Variants in CDON observed in about 807,000 individuals in gnomAD.
CDON encodes cell adhesion molecule-related/down-regulated by oncogenes.
A neutral mutation model predicts 120.9 loss-of-function variants in CDON; 73 were observed. The ratio of observed to expected loss-of-function variants is 0.60; its 90% CI spans 0.50 to 0.73. The LOEUF is 0.73. Among genes scored for constraint, CDON ranks in the 30% least tolerant of loss-of-function variants. The pLI is 0.00. For synonymous variants in CDON, 566 were observed against 573.5 expected (o/e 0.99, Z 0.19); for missense variants, 1,470 against 1,587.3 (o/e 0.93, Z 1.26).
chr11:125,995,028 A>G lies in CDON; in HGVS notation c.2387T>C (p.Ile796Thr). The change falls in exon 13 of 20, where the codon ATT becomes ACT. Residue 796 changes from isoleucine to threonine, a missense_variant. Ile to Thr is a moderately conservative substitution (Grantham distance 89). Coordinates refer to ENST00000531738, the MANE Select transcript of CDON (RefSeq NM_001378964.1). The part of the protein sequence containing the change: ...EPGSTYKFRV[I>T]AINHYGESFR... ...ACTCTCACCATAATGGTTGATGGCA[A>G]TGACCCTAAATTTGTATGTTGAACC... 3 of 1,614,162 alleles carry G rather than the reference A, an allele frequency of 1.9e-6. No homozygotes were observed. Among genetic ancestry groups the G allele is most frequent in the Non-Finnish European group, 2.5e-6 (3 of 1,179,982 alleles).
At chr11:125,999,029 T>C (rs1240024352) in intron 11 of CDON, among the ~76,000 whole-genome samples, 2 of 152,174 alleles carry the variant, frequency 1.3e-5, no homozygotes, top group African/African-American at 4.8e-5. Context: ...GAATGTGGTA[T>C]TTGTATGGAG....
chr11:126,006,122 T>G (rs1947122599), intron 8 of CDON, 65 bp from the exon 9 acceptor site: 1 of 1,496,878 alleles, frequency 6.7e-7, no homozygotes, highest in Non-Finnish European at 9.3e-7. Context: ...CTACCCAGTT[T>G]GTGACGTGAC....
chr11:125,973,799 G>GCCA (rs1365817604), intron 18 of CDON, among the ~76,000 whole-genome samples: 1 of 152,150 alleles, frequency 6.6e-6, no homozygotes. Flanking sequence ...TCAGCAAAAT[G>GCCA]CCACTTGCTT....
chr11:125,962,367 A>C (rs1945668590), intron 18 of CDON, among the ~76,000 whole-genome samples: 1 of 152,224 alleles, frequency 6.6e-6, no homozygotes. Flanking sequence ...TGAGAGAATA[A>C]AAGAGGAAGA....
intron 1 of CDON, among the ~76,000 whole-genome samples, chr11:126,039,509 A>T (rs2134819840): frequency 6.6e-6 from 1 of 152,198 alleles, no homozygotes; most frequent in East Asian, 1.9e-4. Context: ...CGAATATAAA[A>T]CCTTCATTAA....
chr11:126,042,153 G>C (rs947056225), intron 1 of CDON, among the ~76,000 whole-genome samples: 6 of 152,262 alleles, frequency 3.9e-5, no homozygotes, highest in Admixed American at 3.9e-4. Flanking sequence ...CAAAGTGCTG[G>C]GATTACAGGC....
chr11:125,971,356 C>T (rs1945985929), intron 18 of CDON, among the ~76,000 whole-genome samples: 1 of 150,228 alleles, frequency 6.7e-6, no homozygotes, highest in Non-Finnish European at 1.5e-5. Context: ...GCACTCCAGC[C>T]TGGGCGACAC....
At chr11:126,007,910 G>A (rs1180215831) in intron 8 of CDON, among the ~76,000 whole-genome samples, 2 of 152,166 alleles carry the variant, frequency 1.3e-5, no homozygotes, top group African/African-American at 4.8e-5. Context: ...TCTATGAAAT[G>A]GGTAGAACAG....
chr11:125,983,112 T>G (rs912968790), intron 16 of CDON, among the ~76,000 whole-genome samples: 1 of 152,190 alleles, frequency 6.6e-6, no homozygotes, highest in African/African-American at 2.4e-5. Flanking sequence ...CTCCCTCACT[T>G]TTCTTTCATT....
At chr11:126,052,479 T>C (rs1948587149) in intron 1 of CDON, among the ~76,000 whole-genome samples, 1 of 152,196 alleles carries the variant, frequency 6.6e-6, no homozygotes, top group Non-Finnish European at 1.5e-5. Flanking sequence ...CAGTTCCTCA[T>C]CCAGGGATTC....
At chr11:126,001,332 T>G (rs1202260132) in intron 11 of CDON, among the ~76,000 whole-genome samples, 2 of 151,898 alleles carry the variant, frequency 1.3e-5, no homozygotes. Flanking sequence ...AGACTACAGG[T>G]GTGTGCCACC....
upstream of CDON, chr11:126,063,316 T>A (rs1948854762): frequency 6.6e-6 from 1 of 151,686 alleles, no homozygotes; most frequent in Non-Finnish European, 1.5e-5. Context: ...GGTCTCCAAA[T>A]GGTCGACTCT....
chr11:125,981,970 C>CTTTTTTTTTTTTTTTTTTTTTTTTT (rs61446837), intron 16 of CDON, among the ~76,000 whole-genome samples: 3 of 54,296 alleles, frequency 5.5e-5, no homozygotes, highest in Admixed American at 6.2e-4. Flanking sequence ...ATTCTATTTT[C>CTTTTTTTTTTTTTTTTTTTTTTTTT]TTTTTTTTTT....
intron 16 of CDON, 72 bp downstream of exon 16, chr11:125,983,800 C>A: frequency 9.3e-7 from 1 of 1,070,872 alleles, no homozygotes; most frequent in South Asian, 1.3e-5. Context: ...TGTTAGAAAT[C>A]AATATTTATT....
chr11:126,033,890 A>G (rs1057168386), intron 1 of CDON, among the ~76,000 whole-genome samples: 1 of 152,178 alleles, frequency 6.6e-6, no homozygotes, highest in Non-Finnish European at 1.5e-5. Flanking sequence ...TTCTTAAAGC[A>G]GTCATGTGCA....
intron 16 of CDON, among the ~76,000 whole-genome samples, chr11:125,982,151 T>C (rs1252747544): frequency 1.1e-5 from 1 of 89,050 alleles, no homozygotes; most frequent in Non-Finnish European, 2.7e-5. Context: ...ATTCTTTGTA[T>C]TTTTAGTAGA....
At chr11:126,051,337 A>G (rs532065407) in intron 1 of CDON, among the ~76,000 whole-genome samples, 110 of 152,350 alleles carry the variant, frequency 7.2e-4, no homozygotes, top group African/African-American at 2.6e-3. Context: ...AATAACAAGT[A>G]AAACACAGAT....
In CDON at chr11:126,041,992, C is replaced by T. The variant is rs983167805; in HGVS notation, c.-61-18455G>A. 5.3e-5 allele frequency among the ~76,000 whole-genome samples: 8 copies of T among 152,304 alleles called. No homozygotes were observed. The South Asian group carries it at 1.7e-3, about 32-fold the overall frequency. Reference sequence around the variant, plus strand: ...TTCTGCCTCCCAGGTTCAAGCGATTCTCCTGCCTCAGCCTCCTGAGTAGCT... The same window carrying T: ...TTCTGCCTCCCAGGTTCAAGCGATTTTCCTGCCTCAGCCTCCTGAGTAGCT... On this transcript the variant is annotated intron_variant, in intron 1 of 19. Transcript: ENST00000531738.
At chr11:126,041,188 TAAAAA>T (rs562515383) in intron 1 of CDON, among the ~76,000 whole-genome samples, 2 of 94,098 alleles carry the variant, frequency 2.1e-5, no homozygotes, top group Non-Finnish European at 4.3e-5. Context: ...TGAGACTGTC[TAAAAA>T]AAAAAAAAAA....
Sources: allele counts gnomAD v4.1 joint callset (sites outside exome capture counted in the v4.1 genomes callset), GRCh38; gene constraint gnomAD v4.1.1; transcripts MANE v1.5; gene names NCBI Gene and HGNC (gene_info 2026-07-23, HGNC 2026-07-21).